The following CLDN14 variants were observed in gnomAD, a reference collection of about 807,000 sequenced individuals.
The protein encoded by CLDN14 is claudin 14.
In CLDN14, 2 loss-of-function variants were observed where a neutral mutation model predicts 2.1. That is an observed-to-expected ratio of 0.96 (90% CI 0.39 to 3.01). The LOEUF is 3.01. CLDN14 is among the 30% of genes most tolerant of loss of function. The pLI is 0.09. For missense variants in CLDN14, 298 were observed against 328.0 expected, an observed-to-expected ratio of 0.91 and a Z score of 0.71; for synonymous variants, 136 against 154.4, an observed-to-expected ratio of 0.88 and a Z score of 0.88.
At chr21:36,528,828 C>T (rs922209664) in intron 1 of CLDN14, among the ~76,000 whole-genome samples, 2 of 152,216 alleles carry the variant, frequency 1.3e-5, no homozygotes, top group African/African-American at 4.8e-5. Flanking sequence ...ACAGCTTCCT[C>T]CCTCCTCCTC....
intron 2 of CLDN14, among the ~76,000 whole-genome samples, chr21:36,489,131 A>ATATATATATAT (rs1555847002): frequency 2.9e-4 from 18 of 62,752 alleles, no homozygotes; most frequent in Non-Finnish European, 3.6e-4. Context: ...AAAAAAAAAA[A>ATATATATATAT]ATATATATAT....
chr21:36,497,801 G>C (rs771119470), intron 2 of CLDN14, among the ~76,000 whole-genome samples: 2 of 152,114 alleles, frequency 1.3e-5, no homozygotes, highest in Non-Finnish European at 2.9e-5. Context: ...GTTAGGAGCC[G>C]CACTCCTGGT....
At chr21:36,556,312 C>A (rs1180940144) in intron 1 of CLDN14, among the ~76,000 whole-genome samples, 1 of 151,996 alleles carries the variant, frequency 6.6e-6, no homozygotes, top group African/African-American at 2.4e-5. Context: ...CCAGAGGTGA[C>A]CTAAGTCAGA....
chr21:36,534,793 G>C (rs993095941), intron 1 of CLDN14, among the ~76,000 whole-genome samples: 1 of 152,174 alleles, frequency 6.6e-6, no homozygotes. Context: ...CAAGGTGTCA[G>C]TCTCAGGCTG....
At chr21:36,546,862 T>C (rs1448681556) in intron 1 of CLDN14, among the ~76,000 whole-genome samples, 1 of 152,216 alleles carries the variant, frequency 6.6e-6, no homozygotes, top group Non-Finnish European at 1.5e-5. Flanking sequence ...TCAGCAGTTC[T>C]TACATTTAAA....
At chr21:36,574,201 C>T (rs947244683) in intron 1 of CLDN14, among the ~76,000 whole-genome samples, 6 of 152,192 alleles carry the variant, frequency 3.9e-5, no homozygotes, top group South Asian at 2.1e-4. Flanking sequence ...GGCATAAAGA[C>T]GGACATGCAA....
intron 1 of CLDN14, among the ~76,000 whole-genome samples, chr21:36,520,383 C>T (rs1049754359): frequency 6.6e-6 from 1 of 152,200 alleles, no homozygotes; most frequent in Non-Finnish European, 1.5e-5. Context: ...TCCCATAATT[C>T]CCATGTGTTG....
chr21:36,558,045 T>G (rs2087610992), intron 1 of CLDN14, among the ~76,000 whole-genome samples: 2 of 152,312 alleles, frequency 1.3e-5, no homozygotes, highest in South Asian at 4.1e-4. Flanking sequence ...GTCCTTTCTC[T>G]GGTGTACCGG....
chr21:36,570,921 A>T (rs2087705385), intron 1 of CLDN14, among the ~76,000 whole-genome samples: 1 of 152,206 alleles, frequency 6.6e-6, no homozygotes, highest in Non-Finnish European at 1.5e-5. Flanking sequence ...AGCTCACTGC[A>T]ACCTCTGCCT....
intron 1 of CLDN14, among the ~76,000 whole-genome samples, chr21:36,530,305 G>A (rs536825505): frequency 2.0e-5 from 3 of 152,082 alleles, no homozygotes; most frequent in East Asian, 3.9e-4. Flanking sequence ...GGACAGTGGC[G>A]GGGGGTGGGT....
At chr21:36,463,046 G>A (rs368713104) in intron 1 of CLDN14, among the ~76,000 whole-genome samples, 5,182 of 151,984 alleles carry the variant, frequency 0.034, 294 homozygotes, top group African/African-American at 0.12. Flanking sequence ...AGAAAGGAAG[G>A]AAAAAAAGGA....
chr21:36,491,568 G>A (rs977880087), intron 2 of CLDN14, among the ~76,000 whole-genome samples: 1 of 152,138 alleles, frequency 6.6e-6, no homozygotes, highest in South Asian at 2.1e-4. Context: ...ACAGGATCTC[G>A]CTGTGTTCAT....
intron 2 of CLDN14, among the ~76,000 whole-genome samples, chr21:36,504,330 TAAAAAC>T (rs373024276): frequency 6.6e-6 from 1 of 151,992 alleles, no homozygotes; most frequent in African/African-American, 2.4e-5. Flanking sequence ...AGAAAAAAGT[TAAAAAC>T]AAGAAAAAAA....
At chr21:36,553,780 G>A (rs2087578821) in intron 1 of CLDN14, among the ~76,000 whole-genome samples, 1 of 152,074 alleles carries the variant, frequency 6.6e-6, no homozygotes, top group Non-Finnish European at 1.5e-5. Context: ...CCCCTTTATG[G>A]TGAGGACAAC....
In CLDN14 at chr21:36,461,105, C is replaced by T. The variant is rs374840285; in HGVS notation, c.591G>A (p.Pro197=). 2.2e-5 allele frequency: 36 copies of T among 1,614,094 alleles called. No homozygotes were observed. The highest frequency in any genetic ancestry group is 1.3e-4 in the African/African-American group (10 of 75,048). ...DEAPYRPYQA[P]PRATTTTANT... ...TTGCAGTGGTCGTGGTGGCCCTGGG[C>T]GGGGCCTGGTAGGGCCTGTAGGGTG... Residue 197 remains proline (P), a synonymous_variant, in exon 2 of 2, where the codon CCG becomes CCA. Coordinates refer to ENST00000399135, the MANE Select transcript of CLDN14 (RefSeq NM_001146079.2).
At position 36,499,384 on chromosome 21, in the gene CLDN14, C is replaced by T. The variant is rs1283370349; in HGVS notation, c.-82+10979G>A. Among the ~76,000 whole-genome samples the T allele has an allele frequency of 1.3e-5, 2 of 152,188 alleles. No homozygotes were observed. Among genetic ancestry groups the T allele is most frequent in the African/African-American group, 4.8e-5 (2 of 41,454 alleles). On this transcript the variant is annotated intron_variant, in intron 2 of 2. Coordinates refer to the CLDN14 transcript ENST00000342108. This position sits in a 1 kb window ranked among gnomAD's most constrained non-coding sequence, Gnocchi z 4.7. ...CCTGCCTCAGCCTCCCAAGTTTTTA[C>T]TTGAAACCTGCATACACACAGCCTT...
chr21:36,473,478 C>T (rs961876419), intron 1 of CLDN14, among the ~76,000 whole-genome samples: 2 of 152,306 alleles, frequency 1.3e-5, no homozygotes, highest in African/African-American at 2.4e-5. Flanking sequence ...AATGCATATT[C>T]GATTGGCTCT....
At chr21:36,486,431 C>T (rs1266380302) in intron 2 of CLDN14, 38 of 1,391,350 alleles carry the variant, frequency 2.7e-5, no homozygotes, top group Non-Finnish European at 3.6e-5. Context: ...GCTGCTCCTC[C>T]ATAGAAACCC....
At chr21:36,503,846 A>C (rs1601614952) in intron 2 of CLDN14, among the ~76,000 whole-genome samples, 1 of 152,096 alleles carries the variant, frequency 6.6e-6, no homozygotes, top group East Asian at 1.9e-4. Flanking sequence ...ACAGTAAGTC[A>C]TTAGCTTCCA....
Sources: gnomAD v4.1 joint callset for allele counts (sites outside exome capture counted in the v4.1 genomes callset) on GRCh38, gnomAD v4.1.1 for gene constraint, Gnocchi (gnomAD v3.1) non-coding constraint, MANE v1.5 for transcripts, NCBI Gene and HGNC (gene_info 2026-07-23, HGNC 2026-07-21) for gene names.